The following PCCA variants were observed in gnomAD, a reference collection of about 807,000 sequenced individuals.
The protein encoded by PCCA is propionyl-CoA carboxylase alpha chain, mitochondrial.
In PCCA, 74 loss-of-function variants were observed where a neutral mutation model predicts 101.3. The observed-to-expected ratio is 0.73, with a 90% CI of 0.61 to 0.89. PCCA has a LOEUF of 0.89. PCCA is among the 40% of genes least tolerant of loss of function. PCCA has a pLI of 0.00. For missense variants in PCCA, 891 were observed against 907.0 expected, an observed-to-expected ratio of 0.98 and a Z score of 0.23; for synonymous variants, 294 against 313.6, an observed-to-expected ratio of 0.94 and a Z score of 0.66.
At chr13:100,129,495 C>T (rs1378657716) in intron 4 of PCCA, among the ~76,000 whole-genome samples, 1 of 152,200 alleles carries the variant, frequency 6.6e-6, no homozygotes, top group Admixed American at 6.5e-5. Context: ...CTCTTCCTCT[C>T]TCTTTCCTAG....
rs142896674 is a variant in PCCA at position 100,347,128 on chromosome 13, G to A, written c.1643+6869G>A. ...CTGACCTTGTGATCCGCCTGCCTCGGCCATCCAAAGTGCTGGGTTTACAGG... is the reference window on the plus strand; with the variant it reads ...CTGACCTTGTGATCCGCCTGCCTCGACCATCCAAAGTGCTGGGTTTACAGG... On this transcript the variant is annotated intron_variant, in intron 18 of 23. Transcript: ENST00000376285. Among the ~76,000 whole-genome samples the A allele has an allele frequency of 2.2e-3, 340 of 152,276 alleles. 3 individuals are homozygous for A. Among genetic ancestry groups the A allele is most frequent in the African/African-American group, 7.3e-3 (302 of 41,556 alleles).
chr13:100,292,393 C>G (rs1297717577), intron 12 of PCCA, among the ~76,000 whole-genome samples: 1 of 152,012 alleles, frequency 6.6e-6, no homozygotes, highest in Non-Finnish European at 1.5e-5. Context: ...TTTTGATTTC[C>G]TCATTAGTAA....
At chr13:100,155,895 T>G (rs1169032519) in intron 5 of PCCA, among the ~76,000 whole-genome samples, 1 of 152,220 alleles carries the variant, frequency 6.6e-6, no homozygotes, top group African/African-American at 2.4e-5. Context: ...TGTTTACAGT[T>G]TATTAGCACA....
intron 4 of PCCA, among the ~76,000 whole-genome samples, chr13:100,124,688 TAAATGG>T (rs1432790439): frequency 6.6e-6 from 1 of 152,168 alleles, no homozygotes; most frequent in Non-Finnish European, 1.5e-5. Flanking sequence ...AATGATCAGG[TAAATGG>T]AAATGGAACA....
chr13:100,365,566 A>G (rs151193700), intron 18 of PCCA, among the ~76,000 whole-genome samples: 235 of 152,346 alleles, frequency 1.5e-3, no homozygotes, highest in South Asian at 4.3e-3. Context: ...ATTAAATGGA[A>G]GAAAGATCTC....
At chr13:100,142,969 G>C (rs2052069953) in intron 4 of PCCA, among the ~76,000 whole-genome samples, 1 of 152,154 alleles carries the variant, frequency 6.6e-6, no homozygotes, top group African/African-American at 2.4e-5. Flanking sequence ...GATCTCCCCT[G>C]ATACATTTAT....
intron 19 of PCCA, among the ~76,000 whole-genome samples, chr13:100,410,271 T>A (rs1321932954): frequency 6.6e-6 from 1 of 152,046 alleles, no homozygotes; most frequent in African/African-American, 2.4e-5. Context: ...TGAGACGGAG[T>A]CTCGCTCTGT....
chr13:100,323,537 C>T (rs111610370), intron 16 of PCCA, among the ~76,000 whole-genome samples: 8 of 151,982 alleles, frequency 5.3e-5, no homozygotes, highest in Non-Finnish European at 7.4e-5. Context: ...AGGCTGGTCT[C>T]GAATTGCTGA....
intron 12 of PCCA, among the ~76,000 whole-genome samples, chr13:100,279,148 G>A (rs566626881): frequency 6.6e-6 from 1 of 152,060 alleles, no homozygotes; most frequent in African/African-American, 2.4e-5. Flanking sequence ...TCTTGTTCAC[G>A]AACAGAGCTC....
intron 12 of PCCA, among the ~76,000 whole-genome samples, chr13:100,300,260 A>C (rs2152682002): frequency 6.6e-6 from 1 of 152,346 alleles, no homozygotes; most frequent in African/African-American, 2.4e-5. Context: ...AAATTATGTC[A>C]AAATGTCTTA....
chr13:100,453,240 A>G (rs1241636867), intron 21 of PCCA, among the ~76,000 whole-genome samples: 1 of 150,268 alleles, frequency 6.7e-6, no homozygotes, highest in African/African-American at 2.5e-5. Flanking sequence ...GGTGGCTCAC[A>G]CCTGTAATCC....
At chr13:100,446,117 A>G (rs1463162270) in intron 20 of PCCA, among the ~76,000 whole-genome samples, 2 of 152,058 alleles carry the variant, frequency 1.3e-5, no homozygotes, top group Non-Finnish European at 2.9e-5. Context: ...GGCTCACTGC[A>G]ACCTCCAACT....
chr13:100,324,367 T>G (rs1414230978), intron 16 of PCCA, among the ~76,000 whole-genome samples: 1 of 152,218 alleles, frequency 6.6e-6, no homozygotes, highest in Admixed American at 6.5e-5. Flanking sequence ...CAACACTGGT[T>G]TGAACTGTGC....
intron 16 of PCCA, among the ~76,000 whole-genome samples, chr13:100,313,390 A>G (rs1239722319): frequency 2.0e-5 from 3 of 152,220 alleles, no homozygotes; most frequent in African/African-American, 7.2e-5. Flanking sequence ...TATTACTCAA[A>G]TAAATTTCTC....
chr13:100,302,039 C>CT (rs1158102849), intron 13 of PCCA, among the ~76,000 whole-genome samples: 1 of 151,788 alleles, frequency 6.6e-6, no homozygotes, highest in Admixed American at 6.6e-5. Context: ...TTTTCCCAAC[C>CT]TTTTTTTTGT....
intron 18 of PCCA, among the ~76,000 whole-genome samples, chr13:100,366,352 C>T (rs2075157491): frequency 6.6e-6 from 1 of 152,098 alleles, no homozygotes. Context: ...GGCAAGTCAG[C>T]CTCCCCTTCT....
chr13:100,420,299 A>G lies in PCCA; in HGVS notation c.1747-5334A>G, dbSNP rs149677038. On this transcript the variant is annotated intron_variant, in intron 19 of 23. Transcript: ENST00000376285. ...AGAAATTAAATGTCTGAGGTCAGAT[A>G]TGGTGGCTCACGTCTGTAATCTCAG... Among the ~76,000 whole-genome samples the G allele has an allele frequency of 5.4e-3, 820 of 152,324 alleles. 3 individuals are homozygous for G. The highest frequency in any genetic ancestry group is 9.8e-3 in the Non-Finnish European group (669 of 68,020).
chr13:100,128,694 A>G (rs1354640039), intron 4 of PCCA, among the ~76,000 whole-genome samples: 3 of 152,060 alleles, frequency 2.0e-5, no homozygotes, highest in Non-Finnish European at 4.4e-5. Flanking sequence ...CAGTTTTCTC[A>G]TGTTAAGTCC....
intron 18 of PCCA, among the ~76,000 whole-genome samples, chr13:100,342,435 T>C (rs1468955334): frequency 6.6e-6 from 1 of 151,928 alleles, no homozygotes; most frequent in Non-Finnish European, 1.5e-5. Context: ...GGCTAATTTT[T>C]TTTTGTATTT....
Sources: allele counts gnomAD v4.1 joint callset (sites outside exome capture counted in the v4.1 genomes callset), GRCh38; gene constraint gnomAD v4.1.1; transcripts MANE v1.5; gene names NCBI Gene and HGNC (gene_info 2026-07-23, HGNC 2026-07-21).